The following MCMBP variants were observed in gnomAD, a reference collection of about 807,000 sequenced individuals.
MCMBP encodes the protein mini-chromosome maintenance complex-binding protein.
A neutral mutation model predicts 81.3 loss-of-function variants in MCMBP; 31 were observed. The ratio of observed to expected loss-of-function variants is 0.38; its 90% CI spans 0.29 to 0.51. The LOEUF is 0.51. Ranked by LOEUF, MCMBP falls within the 20% of genes least tolerant of loss-of-function variation. The pLI is 0.87. For missense variants in MCMBP, 645 were observed against 772.1 expected (o/e 0.84, Z 1.95); for synonymous variants, 267 against 275.9 (o/e 0.97, Z 0.32).
chr10:119,857,578 A>G, intron 4 of MCMBP, 139 bp from the exon 5 acceptor site: 1 of 522,678 alleles, frequency 1.9e-6, no homozygotes. Context: ...CTAATTCCAA[A>G]CTATTACTTT....
chr10:119,847,649 A>C lies in MCMBP; in HGVS notation c.791T>G (p.Val264Gly). 6.2e-7 allele frequency: 1 copy of C among 1,612,032 alleles called. No individual in the cohort carries two copies. The highest frequency in any genetic ancestry group is 1.1e-5 in the South Asian group (1 of 90,998). ...DILELYGILS[V>G]DPVLSILNND... Reference sequence around the variant, plus strand: ...ATTCAGTATACTCAGCACAGGATCCACAGACAGTATGCCATATAGCTCAAG... The same window carrying C: ...ATTCAGTATACTCAGCACAGGATCCCCAGACAGTATGCCATATAGCTCAAG... Residue 264 changes from valine to glycine, a missense_variant, in exon 8 of 16, where the codon GTG becomes GGG. Val to Gly is a moderately radical substitution (Grantham distance 109). Transcript: ENST00000369077.
chr10:119,864,719 A>G (rs1039932700), intron 1 of MCMBP, among the ~76,000 whole-genome samples: 2 of 115,086 alleles, frequency 1.7e-5, no homozygotes, highest in African/African-American at 6.3e-5. Flanking sequence ...CTAGTTTCAT[A>G]GGTGGAAGCT....
At chr10:119,845,235 T>A (rs1347696319) in intron 8 of MCMBP, among the ~76,000 whole-genome samples, 1 of 151,194 alleles carries the variant, frequency 6.6e-6, no homozygotes, top group Non-Finnish European at 1.5e-5. Flanking sequence ...TTTTGTACCA[T>A]TTTTTTTTAA....
Position 119,857,339 on chromosome 10 carries a change from T to TC in MCMBP, c.427dup (p.Glu143GlyfsTer5). The stretch of plus-strand genomic sequence containing the variant: ...TAAGAAAGTTCAGATAAAGGATATT[T>TC]CTTTTACCCACGTAGATTCCCCAGG... On this transcript the variant is annotated frameshift_variant and splice_region_variant, in exon 5 of 16. Transcript: ENST00000369077. LOFTEE classifies it high-confidence loss of function. The TC allele has an allele frequency of 6.2e-7, 1 of 1,601,062 alleles. No individual in the cohort carries two copies. Among genetic ancestry groups the TC allele is most frequent in the Non-Finnish European group, 8.5e-7 (1 of 1,170,560 alleles).
chr10:119,835,198 T>C (rs1463915339), intron 14 of MCMBP, among the ~76,000 whole-genome samples: 1 of 152,208 alleles, frequency 6.6e-6, no homozygotes, highest in East Asian at 1.9e-4. Context: ...AGTCTTTGTA[T>C]AATATAATTA....
intron 5 of MCMBP, 27 bp from the exon 6 acceptor site, chr10:119,853,221 A>T: frequency 6.3e-7 from 1 of 1,591,838 alleles, no homozygotes; most frequent in Non-Finnish European, 8.6e-7. Context: ...AGAAAAGACT[A>T]TCATAAACTG....
At chr10:119,850,631 C>A (rs1852778124) in intron 6 of MCMBP, among the ~76,000 whole-genome samples, 1 of 151,612 alleles carries the variant, frequency 6.6e-6, no homozygotes, top group African/African-American at 2.4e-5. Context: ...GGCCTGTAGT[C>A]CCAGCTACTC....
intron 13 of MCMBP, among the ~76,000 whole-genome samples, chr10:119,835,913 A>G (rs191617547): frequency 1.3e-5 from 2 of 152,204 alleles, no homozygotes; most frequent in East Asian, 3.9e-4. Context: ...ATTGCAGCTC[A>G]CTGCAACCTG....
chr10:119,832,264 A>G (rs1215059782), intron 14 of MCMBP, among the ~76,000 whole-genome samples, 164 bp from the exon 15 acceptor site: 1 of 152,206 alleles, frequency 6.6e-6, no homozygotes, highest in African/African-American at 2.4e-5. Context: ...TGCTGATGAA[A>G]ATAAAATAAT....
intron 1 of MCMBP, among the ~76,000 whole-genome samples, chr10:119,865,518 G>C (rs1315954166): frequency 3.3e-5 from 5 of 152,148 alleles, no homozygotes; most frequent in Admixed American, 3.3e-4. Context: ...TTGAACCTGG[G>C]AAGTAAAATG....
chr10:119,854,540 AAAATAAATAAAT>A (rs138139742), intron 5 of MCMBP, among the ~76,000 whole-genome samples: 61 of 140,750 alleles, frequency 4.3e-4, no homozygotes, highest in African/African-American at 6.6e-4. Context: ...CCCTGTCTCA[AAAATAAATAAAT>A]AAATAAATAA....
chr10:119,845,617 ATCTT>A (rs772680575), intron 8 of MCMBP, among the ~76,000 whole-genome samples: 9 of 152,226 alleles, frequency 5.9e-5, no homozygotes, highest in Non-Finnish European at 1.3e-4. Flanking sequence ...ACCTCTGAGA[ATCTT>A]TCTAAGTAAA....
At chr10:119,862,474 A>C (rs1003970967) in intron 1 of MCMBP, among the ~76,000 whole-genome samples, 7 of 152,200 alleles carry the variant, frequency 4.6e-5, no homozygotes, top group African/African-American at 1.7e-4. Flanking sequence ...AGTCCTAGTA[A>C]ATCTTCAAGC....
chr10:119,844,526 A>G (rs1381393159), intron 8 of MCMBP, among the ~76,000 whole-genome samples: 2 of 152,216 alleles, frequency 1.3e-5, no homozygotes, highest in Admixed American at 6.5e-5. Flanking sequence ...TAAGTGGCCA[A>G]GTCAGGACTC....
intron 1 of MCMBP, among the ~76,000 whole-genome samples, chr10:119,867,312 A>C (rs1452373605): frequency 2.6e-5 from 4 of 151,266 alleles, no homozygotes; most frequent in African/African-American, 9.7e-5. Context: ...AAAAAAAAAA[A>C]AAAAAAAAAG....
At chr10:119,855,275 G>A (rs1852994899) in intron 5 of MCMBP, among the ~76,000 whole-genome samples, 4 of 152,208 alleles carry the variant, frequency 2.6e-5, no homozygotes, top group African/African-American at 4.8e-5. Context: ...AAACTTGTGG[G>A]ATGCAACCAA....
intron 11 of MCMBP, 150 bp from the exon 12 acceptor site, chr10:119,838,850 G>C: frequency 1.8e-6 from 1 of 570,454 alleles, no homozygotes; most frequent in Non-Finnish European, 2.9e-6. Context: ...AACTCCAGAA[G>C]CAAAAATAGT....
chr10:119,832,621 G>A (rs909738689), intron 14 of MCMBP, among the ~76,000 whole-genome samples: 2 of 152,064 alleles, frequency 1.3e-5, no homozygotes, highest in South Asian at 2.1e-4. Flanking sequence ...CCACCGGAGA[G>A]AGAACAGGGC....
At chr10:119,872,874 C>T (rs1564892304), upstream of MCMBP, 1 of 154,580 alleles carries the variant, frequency 6.5e-6, no homozygotes, top group Non-Finnish European at 1.4e-5. Flanking sequence ...GACCGCGCTG[C>T]CTGCGACCTG....
Sources: gnomAD v4.1 joint callset for allele counts (sites outside exome capture counted in the v4.1 genomes callset) on GRCh38, gnomAD v4.1.1 for gene constraint, MANE v1.5 for transcripts, NCBI Gene and HGNC (gene_info 2026-07-23, HGNC 2026-07-21) for gene names.